Variants in RBMS2 observed in about 807,000 individuals in gnomAD.
RBMS2 encodes RNA-binding motif, single-stranded-interacting protein 2.
In RBMS2, 38 loss-of-function variants were observed where a neutral mutation model predicts 58.4. That is an observed-to-expected ratio of 0.65 (90% confidence interval 0.50 to 0.85). RBMS2 has a LOEUF of 0.85. RBMS2 is among the 40% of genes least tolerant of loss of function. RBMS2 has a pLI of 0.00. For missense variants in RBMS2, 367 were observed against 503.7 expected, an observed-to-expected ratio of 0.73 and a Z score of 2.60; for synonymous variants, 151 against 180.7, an observed-to-expected ratio of 0.84 and a Z score of 1.32.
intron 9 of RBMS2, among the ~76,000 whole-genome samples, chr12:56,582,389 C>T (rs918852562): frequency 1.3e-5 from 2 of 152,118 alleles, no homozygotes; most frequent in African/African-American, 2.4e-5. Flanking sequence ...ATGTTAATGT[C>T]CTACTGTGTA....
rs1882812003 is a variant in RBMS2, at chr12:56,574,407, T to TG, written c.542+2553dup. 2.0e-5 allele frequency among the ~76,000 whole-genome samples: 3 copies of TG among 152,260 alleles called. No individual in the cohort carries two copies. In the South Asian group the frequency reaches 6.2e-4, roughly 31 times the overall value. ...TACGTATTGGTTTTCTTATGGTATT[T>TG]GCTTTTGTCATAGCAACTATTTAAA... On this transcript the variant is annotated intron_variant, in intron 5 of 13. Transcript: ENST00000262031.
chr12:56,557,988 C>T (rs1879554431), intron 1 of RBMS2, among the ~76,000 whole-genome samples: 1 of 144,344 alleles, frequency 6.9e-6, no homozygotes, highest in Non-Finnish European at 1.5e-5. Flanking sequence ...ATCCACCCGC[C>T]TCAGCCTCCC....
chr12:56,595,883 C>T lies in RBMS2; in HGVS notation c.*6750C>T, dbSNP rs1417730382. 1 of 122,228 alleles carries T rather than the reference C, an allele frequency of 8.2e-6. No individual in the cohort carries two copies. The highest frequency in any genetic ancestry group is 1.7e-5 in the Non-Finnish European group (1 of 57,242). 7.6% of individuals were successfully genotyped at this position (122,228 alleles called of 1,614,324 possible). ...GTCATACCTATCCCAACGCCGTCTC[C>T]CCCTCAGGTGTGTAGAAGGGAAGAT... On this transcript the variant is annotated 3_prime_UTR_variant, in exon 14 of 14. Coordinates refer to ENST00000262031, the MANE Select transcript of RBMS2 (RefSeq NM_002898.4).
chr12:56,589,427 G>A lies in RBMS2; in HGVS notation c.*294G>A, dbSNP rs903320273. 1.1e-5 allele frequency: 7 copies of A among 637,000 alleles called. No homozygotes were observed. The highest frequency in any genetic ancestry group is 1.5e-5 in the Non-Finnish European group (7 of 463,118). 39.5% of individuals were successfully genotyped at this position (637,000 alleles called of 1,614,324 possible). ...CAAAGAAAGCTTTTTGTTTTTAACTGCAACGTACTTTTCCCCTACCTTGAA... is the reference window on the plus strand; with the variant it reads ...CAAAGAAAGCTTTTTGTTTTTAACTACAACGTACTTTTCCCCTACCTTGAA... On this transcript the variant is annotated 3_prime_UTR_variant, in exon 14 of 14. Coordinates refer to ENST00000262031, the MANE Select transcript of RBMS2 (RefSeq NM_002898.4).
chr12:56,569,451 G>A (rs1316485108), intron 3 of RBMS2, among the ~76,000 whole-genome samples: 1 of 152,174 alleles, frequency 6.6e-6, no homozygotes, highest in Non-Finnish European at 1.5e-5. Context: ...CTGGAAGAGT[G>A]GAAGGAAGAG....
chr12:56,567,496 C>T (rs998332442), intron 2 of RBMS2, among the ~76,000 whole-genome samples: 4 of 151,842 alleles, frequency 2.6e-5, no homozygotes, highest in Admixed American at 1.3e-4. Context: ...GGATATGCAG[C>T]CCTTTGGCCT....
chr12:56,557,741 C>CTT (rs529458824), intron 1 of RBMS2, among the ~76,000 whole-genome samples: 13 of 141,360 alleles, frequency 9.2e-5, no homozygotes, highest in African/African-American at 2.6e-4. Flanking sequence ...CTTTTCTTTT[C>CTT]TTTTTTTTTT....
intron 1 of RBMS2, among the ~76,000 whole-genome samples, chr12:56,549,848 A>G (rs1344078026): frequency 6.6e-6 from 1 of 151,794 alleles, no homozygotes; most frequent in East Asian, 1.9e-4. Flanking sequence ...ACCAACATGG[A>G]GAAACCCCGT....
intron 1 of RBMS2, among the ~76,000 whole-genome samples, chr12:56,533,996 G>A (rs551893848): frequency 6.6e-6 from 1 of 152,198 alleles, no homozygotes; most frequent in African/African-American, 2.4e-5. Context: ...GAGTTACAGA[G>A]AGTTTGAAAA....
Position 56,581,248 on chromosome 12 carries a change from C to G in RBMS2, c.607C>G (p.Pro203Ala). ...CTTTAATGGAAAATATATTAAGACA[C>G]CCCCTGGAGTACCAGGTGAGGCATC... ...THFNGKYIKT[P>A]PGVPAPSDPL... Residue 203 changes from proline (P) to alanine (A), a missense_variant, in exon 6 of 14, where the codon CCC becomes GCC. By Grantham distance (27) the Pro-to-Ala change is conservative. Coordinates refer to ENST00000262031, the MANE Select transcript of RBMS2 (RefSeq NM_002898.4). The G allele has an allele frequency of 1.9e-6, 3 of 1,605,032 alleles. No individual in the cohort carries two copies. Among genetic ancestry groups the G allele is most frequent in the Non-Finnish European group, 2.6e-6 (3 of 1,171,774 alleles).
intron 1 of RBMS2, among the ~76,000 whole-genome samples, chr12:56,557,593 G>A (rs1879458081): frequency 1.3e-5 from 2 of 152,002 alleles, no homozygotes; most frequent in African/African-American, 2.4e-5. Flanking sequence ...CTTCTGAGCC[G>A]TATCTTCTTT....
Position 56,581,851 on chromosome 12 carries a change from T to G in RBMS2, c.751T>G (p.Tyr251Asp). The change falls in exon 8 of 14, where the codon TAT becomes GAT. Residue 251 changes from tyrosine (Y) to aspartate (D), a missense_variant. By Grantham distance (160) the Tyr-to-Asp change is radical. This residue lies in a region of RBMS2 where 220 missense variants were observed against 261.1 expected (regional missense o/e 0.84). Transcript: ENST00000262031. ...TTTATAGGGCGTCATGGCCTTGACC[T>G]ATGACCCCACCACAGCTCTTCAGAA... ...NADMGVMALTYDPTTALQNGF... is the reference protein window; with the variant it reads ...NADMGVMALTDDPTTALQNGF... The G allele has an allele frequency of 6.2e-7, 1 of 1,614,202 alleles. No homozygotes were observed. The highest frequency in any genetic ancestry group is 1.1e-5 in the South Asian group (1 of 91,086).
chr12:56,542,355 G>T (rs11833204), intron 1 of RBMS2, among the ~76,000 whole-genome samples: 7,325 of 151,470 alleles, frequency 0.048, 597 homozygotes, highest in African/African-American at 0.17. Flanking sequence ...ATGAGCCACC[G>T]CACCTGGCTC....
At chr12:56,558,738 G>A (rs1027681316) in intron 1 of RBMS2, among the ~76,000 whole-genome samples, 6 of 150,922 alleles carry the variant, frequency 4.0e-5, no homozygotes, top group Non-Finnish European at 5.9e-5. Context: ...TGGGACTACA[G>A]GTGTGTGCCA....
intron 1 of RBMS2, among the ~76,000 whole-genome samples, chr12:56,529,727 T>A (rs924433217): frequency 1.2e-4 from 19 of 152,180 alleles, no homozygotes; most frequent in Admixed American, 1.2e-3. Context: ...TATGATTCCA[T>A]TTATGGGAAA....
chr12:56,542,170 C>A (rs1458251095), intron 1 of RBMS2, among the ~76,000 whole-genome samples: 2 of 152,070 alleles, frequency 1.3e-5, no homozygotes, highest in African/African-American at 4.8e-5. Context: ...ACCTCAGCAT[C>A]CAGAGTAGCT....
intron 1 of RBMS2, among the ~76,000 whole-genome samples, chr12:56,557,051 C>T (rs1407303205): frequency 1.3e-5 from 2 of 152,054 alleles, no homozygotes; most frequent in African/African-American, 4.8e-5. Flanking sequence ...CTTCATCTCT[C>T]TATCAATTTG....
intron 2 of RBMS2, among the ~76,000 whole-genome samples, chr12:56,562,928 C>G (rs1295647044): frequency 6.6e-6 from 1 of 152,128 alleles, no homozygotes; most frequent in East Asian, 1.9e-4. Context: ...CGAGACCATC[C>G]TGGCTAACAT....
upstream of RBMS2, chr12:56,521,810 G>C (rs1371420019): frequency 5.4e-6 from 3 of 554,080 alleles, no homozygotes; most frequent in African/African-American, 3.9e-5. Flanking sequence ...TCTCAGTGAC[G>C]TAAAGGAGCA....
Sources: allele counts gnomAD v4.1 joint callset (sites outside exome capture counted in the v4.1 genomes callset), GRCh38; gene constraint gnomAD v4.1.1; regional missense constraint gnomAD v4.1.1; transcripts MANE v1.5; gene names NCBI Gene and HGNC (gene_info 2026-07-23, HGNC 2026-07-21).